SUFU: variants seen among roughly 807,000 people sequenced by gnomAD.
The protein encoded by SUFU is suppressor of fused homolog.
Under a neutral mutation model 58.9 loss-of-function variants are expected in SUFU, and 7 were observed. That is an observed-to-expected ratio of 0.12 (90% CI 0.07 to 0.22). The LOEUF (loss-of-function observed/expected upper bound fraction) is 0.22. SUFU is among the 10% of genes least tolerant of loss of function. SUFU has a pLI of 1.00. For missense variants in SUFU, 451 were observed against 641.3 expected (o/e 0.70, Z 3.20); for synonymous variants, 232 against 254.8 (o/e 0.91, Z 0.85).
At chr10:102,582,716 A>G (rs2063295131) in intron 3 of SUFU, among the ~76,000 whole-genome samples, 1 of 152,236 alleles carries the variant, frequency 6.6e-6, no homozygotes, top group South Asian at 2.1e-4. Flanking sequence ...CTGGAGTGGT[A>G]TTTCCCTTCC....
rs536478464 is a variant in SUFU at position 102,629,071 on chromosome 10, G to A, written c.1366-995G>A. ...CTCGGGAGGCTGAGGCACGAGAATC[G>A]CTTGAACCCGGGAAGCAAAAGTTGC... On this transcript the variant is annotated intron_variant, in intron 11 of 11. Transcript: ENST00000369902. The surrounding 1 kb of genome is among the most constrained non-coding windows in gnomAD (Gnocchi z 4.7). Among the ~76,000 whole-genome samples, 8 of 152,078 alleles carry A rather than the reference G, an allele frequency of 5.3e-5. No individual in the cohort carries two copies. Among genetic ancestry groups the A allele is most frequent in the Non-Finnish European group, 1.2e-4 (8 of 68,012 alleles).
At chr10:102,594,939 C>T (rs571908410) in intron 6 of SUFU, among the ~76,000 whole-genome samples, 13 of 152,260 alleles carry the variant, frequency 8.5e-5, no homozygotes, top group African/African-American at 3.1e-4. Flanking sequence ...AGGCTGGTCT[C>T]GAACTCTTGA....
chr10:102,573,452 A>G (rs1420544603), intron 3 of SUFU, among the ~76,000 whole-genome samples: 1 of 152,218 alleles, frequency 6.6e-6, no homozygotes, highest in Non-Finnish European at 1.5e-5. Flanking sequence ...TCAAAATGGA[A>G]TTACTGTATG....
chr10:102,589,079 T>C (rs980004556), intron 3 of SUFU, among the ~76,000 whole-genome samples: 24 of 148,522 alleles, frequency 1.6e-4, no homozygotes, highest in Non-Finnish European at 2.7e-4. Context: ...TGCACTACCA[T>C]GCCTGGCTAA....
intron 3 of SUFU, among the ~76,000 whole-genome samples, chr10:102,568,426 AAT>A (rs1250960069): frequency 6.6e-6 from 1 of 152,222 alleles, no homozygotes; most frequent in Non-Finnish European, 1.5e-5. Context: ...TGAAAACAAA[AAT>A]AAATATTATG....
At position 102,625,568 on chromosome 10, in the gene SUFU, C is replaced by T. The variant is rs2063778344; in HGVS notation, c.1297-1607C>T. 1.3e-5 allele frequency among the ~76,000 whole-genome samples: 2 copies of T among 152,058 alleles called. No homozygotes were observed. The highest frequency in any genetic ancestry group is 4.8e-5 in the African/African-American group (2 of 41,382). On this transcript the variant is annotated intron_variant, in intron 10 of 11. Coordinates refer to ENST00000369902, the MANE Select transcript of SUFU (RefSeq NM_016169.4). The surrounding 1 kb of genome is among the most constrained non-coding windows in gnomAD (Gnocchi z 4.7). ...GTCCTGGGGGTGAGAGTTCAGCATT[C>T]GGGAGCAGTACTCCAGGCACTAAAT...
At chr10:102,595,340 T>C (rs2063450276) in intron 6 of SUFU, among the ~76,000 whole-genome samples, 3 of 152,242 alleles carry the variant, frequency 2.0e-5, no homozygotes, top group African/African-American at 4.8e-5. Flanking sequence ...CCTTTAACAC[T>C]GAACATTTCA....
At chr10:102,561,702 T>C (rs1425284815) in intron 3 of SUFU, among the ~76,000 whole-genome samples, 2 of 127,050 alleles carry the variant, frequency 1.6e-5, no homozygotes, top group African/African-American at 6.1e-5. Flanking sequence ...GGGATCTCAC[T>C]CTGTTGCTCA....
chr10:102,621,648 T>C (rs191940842), intron 10 of SUFU, among the ~76,000 whole-genome samples: 104 of 152,316 alleles, frequency 6.8e-4, no homozygotes, highest in African/African-American at 2.5e-3. Context: ...TCCACTGCCA[T>C]CGTGGGTGCC....
intron 3 of SUFU, among the ~76,000 whole-genome samples, chr10:102,569,849 A>C (rs997138280): frequency 6.6e-6 from 1 of 152,206 alleles, no homozygotes; most frequent in African/African-American, 2.4e-5. Context: ...AAACCTTTCA[A>C]AACTGTCCAT....
At chr10:102,528,789 TACTTGAGTG>T (rs1409017436) in intron 2 of SUFU, among the ~76,000 whole-genome samples, 2 of 152,094 alleles carry the variant, frequency 1.3e-5, no homozygotes, top group Non-Finnish European at 2.9e-5. Context: ...AGGAACCATC[TACTTGAGTG>T]GGGCAAATGC....
chr10:102,573,946 C>CT (rs1411613544), intron 3 of SUFU, among the ~76,000 whole-genome samples: 1 of 151,906 alleles, frequency 6.6e-6, no homozygotes, highest in Non-Finnish European at 1.5e-5. Context: ...CTTAATGCCA[C>CT]TTAAAAATGG....
At chr10:102,515,315 C>CTTTTTT (rs35257917) in intron 2 of SUFU, among the ~76,000 whole-genome samples, 1 of 130,244 alleles carries the variant, frequency 7.7e-6, no homozygotes, top group Non-Finnish European at 1.6e-5. Context: ...TTTGCCGGAA[C>CTTTTTT]TTTTTTTTTT....
At chr10:102,599,636 CAT>C in intron 8 of SUFU, 92 bp downstream of exon 8, 1 of 1,102,730 alleles carries the variant, frequency 9.1e-7, no homozygotes, top group South Asian at 1.3e-5. Context: ...GAACAATGCA[CAT>C]AGCCCTTGCT....
At chr10:102,520,375 G>A (rs1000946336) in intron 2 of SUFU, among the ~76,000 whole-genome samples, 3 of 151,422 alleles carry the variant, frequency 2.0e-5, no homozygotes, top group East Asian at 2.0e-4. Context: ...CCGCCACCAC[G>A]CCCGGCTAAT....
chr10:102,596,702 C>G (rs550067057), intron 6 of SUFU, among the ~76,000 whole-genome samples: 5 of 152,312 alleles, frequency 3.3e-5, no homozygotes, highest in African/African-American at 7.2e-5. Flanking sequence ...ACCCTGTTTT[C>G]TATAGCAGTG....
chr10:102,513,749 G>A (rs2062430231), intron 2 of SUFU, among the ~76,000 whole-genome samples: 1 of 152,220 alleles, frequency 6.6e-6, no homozygotes, highest in South Asian at 2.1e-4. Flanking sequence ...TTTTAGGAGT[G>A]AGAGGGACTT....
chr10:102,532,069 TCTC>T (rs2062683479), intron 2 of SUFU, among the ~76,000 whole-genome samples: 2 of 152,088 alleles, frequency 1.3e-5, no homozygotes, highest in Admixed American at 6.5e-5. Flanking sequence ...TTCAAGCAAT[TCTC>T]CTGCCTCGGC....
chr10:102,524,473 G>A (rs1057205054), intron 2 of SUFU, among the ~76,000 whole-genome samples: 1 of 151,270 alleles, frequency 6.6e-6, no homozygotes, highest in Non-Finnish European at 1.5e-5. Context: ...CTACAGGCAC[G>A]TGCCACCACA....
Sources: allele counts gnomAD v4.1 joint callset (sites outside exome capture counted in the v4.1 genomes callset), GRCh38; gene constraint gnomAD v4.1.1; non-coding constraint Gnocchi (gnomAD v3.1); transcripts MANE v1.5; gene names NCBI Gene and HGNC (gene_info 2026-07-23, HGNC 2026-07-21).